HYPK: variants seen among roughly 807,000 people sequenced by gnomAD.
HYPK encodes huntingtin-interacting protein K.
A neutral mutation model predicts 13.9 loss-of-function variants in HYPK; 9 were observed. That is an observed-to-expected ratio of 0.65 (90% CI 0.39 to 1.13). The LOEUF (loss-of-function observed/expected upper bound fraction) is 1.13, where lower values mean the gene tolerates loss of function less well. Among genes scored for constraint, HYPK ranks in the 50% most tolerant of loss-of-function variants. The probability of loss-of-function intolerance (pLI) is 0.01; values close to 1 mark genes in which losing one functional copy is unlikely to be tolerated. For synonymous variants in HYPK, 76 were observed against 57.0 expected (o/e 1.33, Z -1.50); for missense variants, 138 against 157.6 (o/e 0.88, Z 0.67).
rs2087339686 is a variant in HYPK at position 43,803,422 on chromosome 15, T to C, written c.*1616T>C. ...AAAAAAACCTATGAAAGGTTTTGAT[T>C]GGTATTCAAATTCTAAGCCATAATA... On this transcript the variant is annotated 3_prime_UTR_variant, in exon 4 of 4. Transcript: ENST00000442995. 6.6e-6 allele frequency among the ~76,000 whole-genome samples: 1 copy of C among 151,980 alleles called. No individual in the cohort carries two copies. The highest frequency in any genetic ancestry group is 1.5e-5 in the Non-Finnish European group (1 of 67,982).
At chr15:43,800,530 G>C, upstream of HYPK, 1 of 1,545,088 alleles carries the variant, frequency 6.5e-7, no homozygotes. Flanking sequence ...GTGTGGCCCA[G>C]GGCCAGCCCC....
upstream of HYPK, chr15:43,800,553 G>C: frequency 6.2e-7 from 1 of 1,602,432 alleles, no homozygotes; most frequent in Non-Finnish European, 8.5e-7. Flanking sequence ...CTCCTCCCCG[G>C]GCGGAAGCTG....
chr15:43,801,654 T>C, intron 3 of HYPK, 57 bp from the exon 4 acceptor site: 1 of 1,608,432 alleles, frequency 6.2e-7, no homozygotes, highest in Non-Finnish European at 8.5e-7. Context: ...GCGGAGTCAG[T>C]ATATTTGGTG....
At chr15:43,800,911 C>A in intron 1 of HYPK, 127 bp downstream of exon 1, 1 of 1,019,854 alleles carries the variant, frequency 9.8e-7, no homozygotes, top group Non-Finnish European at 1.4e-6. Flanking sequence ...TAGGGTAGAG[C>A]CGAGGGAAAC....
At chr15:43,800,950 A>G (rs2087306249) in intron 1 of HYPK, among the ~76,000 whole-genome samples, 166 bp downstream of exon 1, 1 of 152,166 alleles carries the variant, frequency 6.6e-6, no homozygotes, top group Non-Finnish European at 1.5e-5. Context: ...CCGCTTGCCT[A>G]AAGGAGCTTG....
In HYPK at chr15:43,801,962, C is replaced by T. The variant is rs2087323224; in HGVS notation, c.*156C>T. On this transcript the variant is annotated 3_prime_UTR_variant, in exon 4 of 4. Coordinates refer to ENST00000442995, the MANE Select transcript of HYPK (RefSeq NM_016400.4). ...TGGAGACTAACTGAATTTAAGTGAC[C>T]CATTAAAATCTAGCACACCTGTATG... 2 of 636,744 alleles carry T rather than the reference C, an allele frequency of 3.1e-6. No homozygotes were observed. The highest frequency in any genetic ancestry group is 5.4e-6 in the Non-Finnish European group (2 of 368,264). 39.4% of individuals were successfully genotyped at this position (636,744 alleles called of 1,614,324 possible). A position where few individuals can be genotyped will look rare whatever the true frequency, so the allele number is the denominator to read the frequency against.
In HYPK at chr15:43,801,499, T is replaced by A; in HGVS notation, c.219-19T>A. The A allele has an allele frequency of 6.2e-7, 1 of 1,604,478 alleles. No individual in the cohort carries two copies. On this transcript the variant is annotated intron_variant, in intron 2 of 3. Coordinates refer to ENST00000442995, the MANE Select transcript of HYPK (RefSeq NM_016400.4). ...TGTTGGTTGAGAATGAGGACTAATA[T>A]ATTTAAATATTTTTGCAGGGAGAAA...
intron 2 of HYPK, 111 bp from the exon 3 acceptor site, chr15:43,801,407 A>C: frequency 9.8e-7 from 1 of 1,019,524 alleles, no homozygotes; most frequent in Admixed American, 2.2e-5. Context: ...TTTTATTTTC[A>C]ATCAAGGGTT....
In HYPK at chr15:43,803,912, T is replaced by C. The variant is rs1276047133; in HGVS notation, c.*2106T>C. 2.6e-5 allele frequency among the ~76,000 whole-genome samples: 4 copies of C among 151,880 alleles called. No individual in the cohort carries two copies. In the South Asian group the frequency reaches 8.3e-4, roughly 32 times the overall value. On this transcript the variant is annotated 3_prime_UTR_variant, in exon 4 of 4. Transcript: ENST00000442995. ...CTCAACGCCTGTAATCTCAGCACTT[T>C]GGGAGGCTGAGGCGGGCGGATCGCG...
rs1420689298 is a variant in HYPK, at chr15:43,802,626, C to T, written c.*820C>T. ...CAGTGGCTCACACCTGTAATCCCAG[C>T]ACTTTGGGAGGCTGAGGCAGTCGGA... On this transcript the variant is annotated 3_prime_UTR_variant, in exon 4 of 4. Coordinates refer to ENST00000442995, the MANE Select transcript of HYPK (RefSeq NM_016400.4). 6.8e-6 allele frequency: 1 copy of T among 146,242 alleles called. No individual in the cohort carries two copies. Among genetic ancestry groups the T allele is most frequent in the East Asian group, 2.0e-4 (1 of 4,986 alleles). 9.1% of individuals were successfully genotyped at this position (146,242 alleles called of 1,614,324 possible). A position where few individuals can be genotyped will look rare whatever the true frequency, so the allele number is the denominator to read the frequency against.
rs201378308 is a variant in HYPK at position 43,800,801 on chromosome 15, G to C, written c.162+17G>C. ...CTGGAGACGGTAAGGTTGGCCAAGAGCATGTCGGGGCGGGCTGAGAGCAGA... is the reference window on the plus strand; with the variant it reads ...CTGGAGACGGTAAGGTTGGCCAAGACCATGTCGGGGCGGGCTGAGAGCAGA... On this transcript the variant is annotated intron_variant, in intron 1 of 3. Transcript: ENST00000442995. 1 of 1,593,158 alleles carries C rather than the reference G, an allele frequency of 6.3e-7. No individual in the cohort carries two copies. The highest frequency in any genetic ancestry group is 1.1e-5 in the South Asian group (1 of 89,232).
chr15:43,801,730 C>A lies in HYPK; in HGVS notation c.290C>A (p.Ser97Tyr). The change falls in exon 4 of 4, where the codon TCT (serine) becomes TAT (tyrosine). Residue 97 changes from serine to tyrosine, a missense_variant. This residue lies in a region of HYPK where 91 missense variants were observed against 96.8 expected (regional missense o/e 0.94). Coordinates refer to ENST00000442995, the MANE Select transcript of HYPK (RefSeq NM_016400.4). ...CTGCAGATGACTGAGATGGAGATATCTCGAGCAGCAGCAGAACGCAGTTTG... is the reference window on the plus strand; with the variant it reads ...CTGCAGATGACTGAGATGGAGATATATCGAGCAGCAGCAGAACGCAGTTTG... Reference protein sequence around the residue: ...LELIMTEMEISRAAAERSLRE... With the variant: ...LELIMTEMEIYRAAAERSLRE... 6.2e-7 allele frequency: 1 copy of A among 1,614,186 alleles called. No individual in the cohort carries two copies. The highest frequency in any genetic ancestry group is 8.5e-7 in the Non-Finnish European group (1 of 1,180,038).
intron 1 of HYPK, 45 bp downstream of exon 1, chr15:43,800,829 G>C: frequency 6.6e-7 from 1 of 1,510,092 alleles, no homozygotes; most frequent in Non-Finnish European, 9.0e-7. Context: ...AGAGCAGAGG[G>C]GGGCTCTGAG....
In HYPK at chr15:43,803,522, G is replaced by C. The variant is rs1198481990; in HGVS notation, c.*1716G>C. Among the ~76,000 whole-genome samples the C allele has an allele frequency of 6.6e-6, 1 of 152,176 alleles. No homozygotes were observed. Among genetic ancestry groups the C allele is most frequent in the East Asian group, 1.9e-4 (1 of 5,190 alleles). On this transcript the variant is annotated 3_prime_UTR_variant, in exon 4 of 4. Coordinates refer to ENST00000442995, the MANE Select transcript of HYPK (RefSeq NM_016400.4). ...AGGTTAATCAGGGCCGGGCGTGGTG[G>C]CGCATGCCTATAATCCCAGCACTCT...
chr15:43,800,982 C>T (rs1343887226), intron 1 of HYPK, 150 bp from the exon 2 acceptor site: 1 of 830,854 alleles, frequency 1.2e-6, no homozygotes, highest in East Asian at 2.5e-5. Flanking sequence ...AAGGGGACCT[C>T]AGGTGCATAG....
chr15:43,804,235 A>C lies in HYPK; in HGVS notation c.*2429A>C, dbSNP rs1304191142. ...TAGGATAATTCTTAGATTGTATCCC[A>C]CACAACAGTGACTTGTACCTGTGTT... On this transcript the variant is annotated 3_prime_UTR_variant, in exon 4 of 4. Coordinates refer to ENST00000442995, the MANE Select transcript of HYPK (RefSeq NM_016400.4). Among the ~76,000 whole-genome samples the C allele has an allele frequency of 6.6e-6, 1 of 152,200 alleles. No individual in the cohort carries two copies. Among genetic ancestry groups the C allele is most frequent in the Non-Finnish European group, 1.5e-5 (1 of 68,040 alleles).
rs778811256 is a variant in HYPK, at chr15:43,801,129, T to C, written c.163-3T>C. ...GCAGTAACTAGACCTGCCTTTCCCATAGGCCATGTCTGTGATTGGAGACAG... is the reference window on the plus strand; with the variant it reads ...GCAGTAACTAGACCTGCCTTTCCCACAGGCCATGTCTGTGATTGGAGACAG... On this transcript the variant is annotated splice_region_variant and splice_polypyrimidine_tract_variant and intron_variant, in intron 1 of 3. Coordinates refer to ENST00000442995, the MANE Select transcript of HYPK (RefSeq NM_016400.4). 6.8e-6 allele frequency: 11 copies of C among 1,613,568 alleles called. No individual in the cohort carries two copies. Among genetic ancestry groups the C allele is most frequent in the Non-Finnish European group, 9.3e-6 (11 of 1,179,670 alleles).
At position 43,801,886 on chromosome 15, in the gene HYPK, T is replaced by C. The variant is rs2087322295; in HGVS notation, c.*80T>C. ...TTTGTCTTTTTCAGTTTTATCATCT[T>C]GGGTCAAGTAGAGTGTATACTATAT... On this transcript the variant is annotated 3_prime_UTR_variant, in exon 4 of 4. Coordinates refer to ENST00000442995, the MANE Select transcript of HYPK (RefSeq NM_016400.4). 1 of 1,151,770 alleles carries C rather than the reference T, an allele frequency of 8.7e-7. No homozygotes were observed. Among genetic ancestry groups the C allele is most frequent in the South Asian group, 1.3e-5 (1 of 79,700 alleles). 71.3% of individuals were successfully genotyped at this position (1,151,770 alleles called of 1,614,324 possible).
In HYPK at chr15:43,803,770, A is replaced by G. The variant is rs1453394553; in HGVS notation, c.*1964A>G. 7.0e-6 allele frequency among the ~76,000 whole-genome samples: 1 copy of G among 141,998 alleles called. No individual in the cohort carries two copies. The highest frequency in any genetic ancestry group is 1.5e-5 in the Non-Finnish European group (1 of 65,068). 93.2% of individuals were successfully genotyped at this position (141,998 alleles called of 152,430 possible). A position where few individuals can be genotyped will look rare whatever the true frequency, so the allele number is the denominator to read the frequency against. The stretch of plus-strand genomic sequence containing the variant: ...GCCACTGCACTCCAGACTGGGCAAC[A>G]AGAGTGAAACTCCATCTCAAAAAAA... On this transcript the variant is annotated 3_prime_UTR_variant, in exon 4 of 4. Coordinates refer to ENST00000442995, the MANE Select transcript of HYPK (RefSeq NM_016400.4).
Sources: allele counts gnomAD v4.1 joint callset (sites outside exome capture counted in the v4.1 genomes callset), GRCh38; gene constraint gnomAD v4.1.1; regional missense constraint gnomAD v4.1.1; transcripts MANE v1.5; gene names NCBI Gene and HGNC (gene_info 2026-07-23, HGNC 2026-07-21).